MBOAT1: variants seen among roughly 807,000 people sequenced by gnomAD.
The protein encoded by MBOAT1 is membrane-bound glycerophospholipid O-acyltransferase 1.
A neutral mutation model predicts 64.4 loss-of-function variants in MBOAT1; 67 were observed. The observed-to-expected ratio is 1.04, with a 90% CI of 0.85 to 1.27. The LOEUF is 1.27. MBOAT1 is among the 50% of genes most tolerant of loss of function. The pLI is 0.00. For synonymous variants in MBOAT1, 229 were observed against 218.9 expected (o/e 1.05, Z -0.41); for missense variants, 563 against 604.6 (o/e 0.93, Z 0.72).
intron 1 of MBOAT1, among the ~76,000 whole-genome samples, chr6:20,168,562 A>G (rs1410382476): frequency 0.035 from 4,366 of 123,332 alleles, 176 homozygotes; most frequent in Non-Finnish European, 0.044. Context: ...ACAGAGAAAG[A>G]GAAAGAGAGA....
At chr6:20,111,521 C>T (rs1259264812) in intron 11 of MBOAT1, among the ~76,000 whole-genome samples, 1 of 151,292 alleles carries the variant, frequency 6.6e-6, no homozygotes, top group Non-Finnish European at 1.5e-5. Flanking sequence ...TCCAGGCCAT[C>T]CAAAAGAAAA....
intron 8 of MBOAT1, among the ~76,000 whole-genome samples, chr6:20,120,006 CGTGTGTGT>C (rs10630791): frequency 1.3e-5 from 2 of 150,738 alleles, no homozygotes; most frequent in Non-Finnish European, 3.0e-5. Flanking sequence ...TGTGTGTGTG[CGTGTGTGT>C]GTGTGTGTGT....
intron 1 of MBOAT1, among the ~76,000 whole-genome samples, chr6:20,207,758 C>A (rs1763305191): frequency 6.6e-6 from 1 of 152,204 alleles, no homozygotes; most frequent in African/African-American, 2.4e-5. Flanking sequence ...TACCAAGCAT[C>A]AAATGTAAAC....
chr6:20,174,193 T>C (rs11963542), intron 1 of MBOAT1, among the ~76,000 whole-genome samples: 67,397 of 151,678 alleles, frequency 0.44, 15,255 homozygotes, highest in African/African-American at 0.54. Context: ...CTTTGGATTC[T>C]TGGCACCTAG....
In MBOAT1 at chr6:20,208,464, T is replaced by G. The variant is rs1763327269; in HGVS notation, c.99+3672A>C. Among the ~76,000 whole-genome samples, 2 of 54,112 alleles carry G rather than the reference T, an allele frequency of 3.7e-5. 1 individual carries two copies. The highest frequency in any genetic ancestry group is 9.8e-5 in the Non-Finnish European group (2 of 20,410). The allele number at this position is 54,112 out of a possible 152,430, so 35.5% of individuals were successfully genotyped here. A position where few individuals can be genotyped will look rare whatever the true frequency, so the allele number is the denominator to read the frequency against. The stretch of plus-strand genomic sequence containing the variant: ...CTGTCTCAAAAAAAAAAAGAAACTT[T>G]GTAGTCATGGGCCCAGGTGAAATAA... On this transcript the variant is annotated intron_variant, in intron 1 of 12. Coordinates refer to ENST00000324607, the MANE Select transcript of MBOAT1 (RefSeq NM_001080480.3).
intron 12 of MBOAT1, among the ~76,000 whole-genome samples, chr6:20,106,482 G>A (rs962975617): frequency 6.6e-6 from 1 of 152,052 alleles, no homozygotes; most frequent in African/African-American, 2.4e-5. Context: ...GAGTGCAATG[G>A]CGTGATCTCA....
At chr6:20,163,868 G>A (rs1761934557) in intron 1 of MBOAT1, among the ~76,000 whole-genome samples, 1 of 151,990 alleles carries the variant, frequency 6.6e-6, no homozygotes, top group Non-Finnish European at 1.5e-5. Flanking sequence ...AGAATTCTGG[G>A]CCTCCATAAG....
chr6:20,138,165 C>T (rs958890566), intron 4 of MBOAT1, among the ~76,000 whole-genome samples: 9 of 152,012 alleles, frequency 5.9e-5, no homozygotes, highest in Admixed American at 3.9e-4. Context: ...CCTGCCTTTA[C>T]GGTGGTAGGG....
At position 20,109,881 on chromosome 6, in the gene MBOAT1, C is replaced by T. The variant is rs537755833; in HGVS notation, c.1210-132G>A. ...ATAACCAACATCTGAGTTGTATTTT[C>T]GACTACAAATACCATCAGGACTTTT... On this transcript the variant is annotated intron_variant, in intron 11 of 12. Transcript: ENST00000324607. 21 of 513,114 alleles carry T rather than the reference C, an allele frequency of 4.1e-5. 1 individual carries two copies. The highest frequency in any genetic ancestry group is 2.7e-4 in the South Asian group (6 of 22,522). 31.8% of individuals were successfully genotyped at this position (513,114 alleles called of 1,614,324 possible). A position where few individuals can be genotyped will look rare whatever the true frequency, so the allele number is the denominator to read the frequency against.
chr6:20,203,879 C>A (rs1338621459), intron 1 of MBOAT1, among the ~76,000 whole-genome samples: 3 of 151,580 alleles, frequency 2.0e-5, no homozygotes, highest in African/African-American at 7.3e-5. Context: ...ATAAGGAAGT[C>A]CCATCTTTTT....
In MBOAT1 at chr6:20,125,415, C is replaced by A. The variant is rs192054542; in HGVS notation, c.715-815G>T. 2.9e-3 allele frequency among the ~76,000 whole-genome samples: 445 copies of A among 152,316 alleles called. 2 individuals carry two copies. Among genetic ancestry groups the A allele is most frequent in the African/African-American group, 9.9e-3 (411 of 41,578 alleles). The stretch of plus-strand genomic sequence containing the variant: ...ACGCTCAGCCACAATTACAGCTATA[C>A]CACTGATAGGCACCAGCTCATGGAT... On this transcript the variant is annotated intron_variant, in intron 7 of 12. Transcript: ENST00000324607.
chr6:20,197,125 T>C (rs1762977515), intron 1 of MBOAT1, among the ~76,000 whole-genome samples: 2 of 152,172 alleles, frequency 1.3e-5, no homozygotes, highest in Non-Finnish European at 2.9e-5. Flanking sequence ...TACAAATTTT[T>C]TTTTTTAAAT....
rs527399789 is a variant in MBOAT1, at chr6:20,126,804, T to G, written c.531-104A>C. 18 of 802,480 alleles carry G rather than the reference T, an allele frequency of 2.2e-5. No individual in the cohort carries two copies. The East Asian group carries it at 4.7e-4, about 21-fold the overall frequency. The allele number at this position is 802,480 out of a possible 1,614,324, so 49.7% of individuals were successfully genotyped here. A position where few individuals can be genotyped will look rare whatever the true frequency, so the allele number is the denominator to read the frequency against. ...ATGTTATCTCTGTAGATTCGATACA[T>G]GACATGACCTTTCCTTGTTTTGTTT... On this transcript the variant is annotated intron_variant, in intron 6 of 12. Transcript: ENST00000324607.
chr6:20,107,996 G>A (rs932722513), intron 12 of MBOAT1, among the ~76,000 whole-genome samples: 1 of 152,138 alleles, frequency 6.6e-6, no homozygotes, highest in African/African-American at 2.4e-5. Context: ...AATGAAATTG[G>A]AGCCGGAAGC....
At chr6:20,164,353 A>T (rs1761954225) in intron 1 of MBOAT1, among the ~76,000 whole-genome samples, 1 of 152,104 alleles carries the variant, frequency 6.6e-6, no homozygotes, top group South Asian at 2.1e-4. Flanking sequence ...TATGTGGGAT[A>T]CTAATAACAT....
intron 1 of MBOAT1, among the ~76,000 whole-genome samples, chr6:20,177,597 C>T (rs1264597737): frequency 6.6e-6 from 1 of 151,908 alleles, no homozygotes; most frequent in African/African-American, 2.4e-5. Context: ...CACGGTGAAA[C>T]CCCGTCTCTA....
chr6:20,210,140 C>T (rs1763379266), intron 1 of MBOAT1, among the ~76,000 whole-genome samples: 1 of 152,176 alleles, frequency 6.6e-6, no homozygotes, highest in Non-Finnish European at 1.5e-5. Context: ...GGGCATTTCA[C>T]ATCATATAAA....
chr6:20,153,554 T>C (rs1253763043), intron 1 of MBOAT1, among the ~76,000 whole-genome samples: 1 of 152,236 alleles, frequency 6.6e-6, no homozygotes, highest in African/African-American at 2.4e-5. Context: ...TCCCTGATAC[T>C]GGTACTAAAC....
Sources: allele counts gnomAD v4.1 joint callset (sites outside exome capture counted in the v4.1 genomes callset), GRCh38; gene constraint gnomAD v4.1.1; transcripts MANE v1.5; gene names NCBI Gene and HGNC (gene_info 2026-07-23, HGNC 2026-07-21).